SYTL2: variants seen among roughly 807,000 people sequenced by gnomAD.
SYTL2 encodes the protein synaptotagmin like 2, also known as synaptotagmin-like protein 2.
Under a neutral mutation model 198.7 loss-of-function variants are expected in SYTL2, and 165 were observed. That is an observed-to-expected ratio of 0.83 (90% CI 0.73 to 0.94). The LOEUF (loss-of-function observed/expected upper bound fraction) is 0.94, where lower values mean the gene tolerates loss of function less well. Among genes scored for constraint, SYTL2 ranks in the 40% least tolerant of loss-of-function variants. The pLI is 0.00. For missense variants in SYTL2, 2,835 were observed against 2,582.8 expected, an observed-to-expected ratio of 1.10 and a Z score of -2.12; for synonymous variants, 966 against 917.7, an observed-to-expected ratio of 1.05 and a Z score of -0.95.
At position 85,696,341 on chromosome 11, in the gene SYTL2, G is replaced by T; in HGVS notation, c.6416C>A (p.Ala2139Asp). 7 of 1,614,032 alleles carry T rather than the reference G, an allele frequency of 4.3e-6. No individual in the cohort carries two copies. The highest frequency in any genetic ancestry group is 5.9e-6 in the Non-Finnish European group (7 of 1,179,908). Reference sequence around the variant, plus strand: ...GATAGGGTTGGTGGTTTTCCCTACAGCTCTTGTCTTCTGGCGACTTTTCCT... The same window carrying T: ...GATAGGGTTGGTGGTTTTCCCTACATCTCTTGTCTTCTGGCGACTTTTCCT... ...TSRKSRQKTR[A>D]VGKTTNPIFN... Residue 2139 changes from alanine (A) to aspartate (D), a missense_variant, in exon 19 of 20, where the codon GCT (alanine) becomes GAT (aspartate). This residue lies in a region of SYTL2 where 185 missense variants were observed against 182.1 expected (regional missense o/e 1.02). Coordinates refer to ENST00000359152, the MANE Select transcript of SYTL2 (RefSeq NM_206927.4).
intron 1 of SYTL2, among the ~76,000 whole-genome samples, chr11:85,791,838 G>C (rs1403702337): frequency 1.3e-5 from 2 of 152,102 alleles, no homozygotes. Context: ...GCAGCAAAGA[G>C]CTGCTTGCTT....
At chr11:85,831,869 T>C in the SYTL2 span, among the ~76,000 whole-genome samples, 1 of 151,256 alleles carries the variant, frequency 6.6e-6, no homozygotes, top group Admixed American at 6.6e-5. Flanking sequence ...AAGCTGCACA[T>C]ACTTAAAATG....
intron 18 of SYTL2, 92 bp from the exon 19 acceptor site, chr11:85,696,480 C>T (rs2083427885): frequency 9.4e-7 from 1 of 1,067,316 alleles, no homozygotes; most frequent in Non-Finnish European, 1.4e-6. Context: ...TAAAGATTGA[C>T]AATGGAGGAA....
intron 7 of SYTL2, among the ~76,000 whole-genome samples, chr11:85,731,226 G>GA (rs1455220244): frequency 6.6e-6 from 1 of 152,068 alleles, no homozygotes; most frequent in Non-Finnish European, 1.5e-5. Context: ...CACAGAATTA[G>GA]AAAAAAGTTT....
the SYTL2 span, among the ~76,000 whole-genome samples, chr11:85,823,086 C>T: frequency 6.6e-6 from 1 of 152,252 alleles, no homozygotes; most frequent in African/African-American, 2.4e-5. Flanking sequence ...TCCCTCTTGC[C>T]ACCCTCCTTC....
At chr11:85,728,115 T>C (rs1436076334) in intron 7 of SYTL2, 148 bp from the exon 8 acceptor site, 2 of 682,916 alleles carry the variant, frequency 2.9e-6, no homozygotes, top group Admixed American at 3.4e-5. Context: ...GGGGTTAAAA[T>C]GTAAGTTGTC....
chr11:85,727,479 C>T lies in SYTL2; in HGVS notation c.1879G>A (p.Gly627Ser), dbSNP rs546979412. Residue 627 changes from glycine to serine, a missense_variant, in exon 8 of 20, where the codon GGC (glycine) becomes AGC (serine). Physicochemically the swap from Gly to Ser is moderately conservative, Grantham distance 56. Around this residue, in one of 3 missense-constraint regions of SYTL2, gnomAD observed 2,645 missense variants for 2,381.7 expected, o/e 1.11. Coordinates refer to ENST00000359152, the MANE Select transcript of SYTL2 (RefSeq NM_206927.4). ...NLSQKGTPKE[G>S]PGILQPFESY... The stretch of plus-strand genomic sequence containing the variant: ...TCAAATGGTTGCAATATACCTGGGC[C>T]TTCCTTTGGGGTGCCTTTTTGGGAC... The T allele has an allele frequency of 7.2e-6, 11 of 1,536,088 alleles. No individual in the cohort carries two copies. The East Asian group carries it at 2.4e-4, about 34-fold the overall frequency.
rs767506311 is a variant in SYTL2, at chr11:85,734,590, C to T, written c.739G>A (p.Asp247Asn). Residue 247 changes from aspartate to asparagine, a missense_variant, in exon 7 of 20, where the codon GAT becomes AAT. This residue lies in a region of SYTL2 where 2,645 missense variants were observed against 2,381.7 expected (regional missense o/e 1.11). Transcript: ENST00000359152. ...GACTGGTTATCATCTTTGTTTAAATCAGTTGATTTGTAGATCATCTTCCTG... is the reference window on the plus strand; with the variant it reads ...GACTGGTTATCATCTTTGTTTAAATTAGTTGATTTGTAGATCATCTTCCTG... ...KARKMIYKST[D>N]LNKDDNQSFP... The T allele has an allele frequency of 1.9e-6, 3 of 1,614,182 alleles. No individual in the cohort carries two copies. In the Admixed American group the frequency reaches 5.0e-5, roughly 27 times the overall value.
In SYTL2 at chr11:85,694,587, A is replaced by C. The variant is rs557550204; in HGVS notation, c.*608T>G. ...TGGCCAGTGGGTGGCACTAAAATACATTTGAGGCTTGTTTTAACTGTTTGT... is the reference window on the plus strand; with the variant it reads ...TGGCCAGTGGGTGGCACTAAAATACCTTTGAGGCTTGTTTTAACTGTTTGT... On this transcript the variant is annotated 3_prime_UTR_variant, in exon 20 of 20. Transcript: ENST00000359152. 3.3e-5 allele frequency: 5 copies of C among 152,362 alleles called. No individual in the cohort carries two copies. The highest frequency in any genetic ancestry group is 1.2e-4 in the African/African-American group (5 of 41,592). The allele number at this position is 152,362 out of a possible 1,614,324, so 9.4% of individuals were successfully genotyped here.
rs2092628087 is a variant in SYTL2, at chr11:85,785,893, C to T, written c.-390+25061G>A. Among the ~76,000 whole-genome samples the T allele has an allele frequency of 2.0e-5, 3 of 152,204 alleles. No individual in the cohort carries two copies. The South Asian group carries it at 6.2e-4, about 32-fold the overall frequency. On this transcript the variant is annotated intron_variant, in intron 1 of 19. Transcript: ENST00000359152. ...AAGGAAGGAATGACAGTGACTTCCA[C>T]TTCACGCTCTGCCTAAGGTTAGACC...
At chr11:85,761,803 C>T (rs767318793) in intron 1 of SYTL2, among the ~76,000 whole-genome samples, 14 of 152,164 alleles carry the variant, frequency 9.2e-5, no homozygotes, top group Non-Finnish European at 1.8e-4. Flanking sequence ...GGATTACAGG[C>T]GCCCACGACC....
At chr11:85,700,825 G>T (rs1392242236) in intron 16 of SYTL2, among the ~76,000 whole-genome samples, 1 of 152,180 alleles carries the variant, frequency 6.6e-6, no homozygotes, top group Non-Finnish European at 1.5e-5. Flanking sequence ...ATATTTCAAG[G>T]CCTTTAGTCT....
At chr11:85,804,503 A>T (rs916322494) in intron 1 of SYTL2, among the ~76,000 whole-genome samples, 1 of 152,202 alleles carries the variant, frequency 6.6e-6, no homozygotes, top group Non-Finnish European at 1.5e-5. Flanking sequence ...TATGGGCCTC[A>T]ATTTCCTCAT....
chr11:85,821,553 T>A, the SYTL2 span, among the ~76,000 whole-genome samples: 2 of 152,052 alleles, frequency 1.3e-5, no homozygotes, highest in African/African-American at 4.8e-5. Context: ...CATGTTAAAA[T>A]CAGATTATAA....
At chr11:85,849,318 T>G in the SYTL2 span, among the ~76,000 whole-genome samples, 9 of 152,292 alleles carry the variant, frequency 5.9e-5, no homozygotes, top group South Asian at 2.1e-4. Context: ...GTCAATTTTG[T>G]CTTTTGTTGC....
chr11:85,719,172 G>T, intron 9 of SYTL2: 1 of 1,330,586 alleles, frequency 7.5e-7, no homozygotes, highest in South Asian at 1.3e-5. Context: ...CTTCTGTAAA[G>T]GGTATGATGC....
In SYTL2 at chr11:85,719,165, C is replaced by T. The variant is rs2087864950; in HGVS notation, c.5429-322G>A. The stretch of plus-strand genomic sequence containing the variant: ...GGGCTGCAACAGCCTCTCTATTCTT[C>T]TGTAAAGGGTATGATGCTAGCCATG... On this transcript the variant is annotated intron_variant, in intron 9 of 19. Transcript: ENST00000359152. The T allele has an allele frequency of 3.0e-6, 4 of 1,355,094 alleles. No homozygotes were observed. In the African/African-American group the frequency reaches 5.8e-5, roughly 20 times the overall value. The allele number at this position is 1,355,094 out of a possible 1,614,324, so 83.9% of individuals were successfully genotyped here. A position where few individuals can be genotyped will look rare whatever the true frequency, so the allele number is the denominator to read the frequency against.
intron 1 of SYTL2, among the ~76,000 whole-genome samples, chr11:85,793,393 A>G (rs1472633539): frequency 6.6e-6 from 1 of 152,212 alleles, no homozygotes; most frequent in Non-Finnish European, 1.5e-5. Context: ...TGGTGAGCAT[A>G]GTTTCAGAGC....
At chr11:85,717,776 A>G (rs772552442) in intron 10 of SYTL2, 3 of 539,112 alleles carry the variant, frequency 5.6e-6, no homozygotes, top group South Asian at 4.6e-5. Flanking sequence ...AATTCACTAG[A>G]CCACAGTATG....
Sources: gnomAD v4.1 joint callset for allele counts (sites outside exome capture counted in the v4.1 genomes callset) on GRCh38, gnomAD v4.1.1 for gene constraint, gnomAD v4.1.1 regional missense constraint, MANE v1.5 for transcripts, NCBI Gene and HGNC (gene_info 2026-07-23, HGNC 2026-07-21) for gene names.